The following REL variants were observed in gnomAD, a reference collection of about 807,000 sequenced individuals.
The protein encoded by REL is REL proto-oncogene, NF-kB subunit.
REL carries 15 observed loss-of-function variants against 45.9 expected under a neutral mutation model. The observed-to-expected ratio is 0.33, with a 90% confidence interval of 0.22 to 0.50. REL has a LOEUF of 0.50. Ranked by LOEUF, REL falls within the 20% of genes least tolerant of loss-of-function variation. REL has a pLI of 0.98. For missense variants in REL, 601 were observed against 715.2 expected, an observed-to-expected ratio of 0.84 and a Z score of 1.82; for synonymous variants, 239 against 242.1, an observed-to-expected ratio of 0.99 and a Z score of 0.12.
At chr2:60,913,377 T>C (rs945552456) in intron 4 of REL, among the ~76,000 whole-genome samples, 3 of 152,154 alleles carry the variant, frequency 2.0e-5, no homozygotes, top group Non-Finnish European at 2.9e-5. Flanking sequence ...TACAATATTA[T>C]CTCCCTGCAG....
chr2:60,911,994 C>CAAAAAAAAAAAAAAAAAAAAAAAAA, intron 4 of REL, among the ~76,000 whole-genome samples: 1 of 37,320 alleles, frequency 2.7e-5, no homozygotes, highest in Non-Finnish European at 6.2e-5. Context: ...AAGACTGTCT[C>CAAAAAAAAAAAAAAAAAAAAAAAAA]AAAAAAAAAA....
intron 4 of REL, among the ~76,000 whole-genome samples, chr2:60,904,806 C>T (rs1379566972): frequency 6.6e-6 from 1 of 152,116 alleles, no homozygotes; most frequent in African/African-American, 2.4e-5. Context: ...AGGAAAATTG[C>T]TTCAGCCTGG....
chr2:60,917,712 G>GTGTGTGTA (rs1228834689), intron 5 of REL, among the ~76,000 whole-genome samples: 5 of 138,550 alleles, frequency 3.6e-5, no homozygotes, highest in African/African-American at 1.3e-4. Context: ...GTGTGTGTGT[G>GTGTGTGTA]TGTACGTGTG....
intron 4 of REL, among the ~76,000 whole-genome samples, chr2:60,905,157 C>G (rs577000470): frequency 6.6e-6 from 1 of 152,146 alleles, no homozygotes; most frequent in Non-Finnish European, 1.5e-5. Context: ...TGCAGTGGCA[C>G]GATCTCGGCT....
intron 2 of REL, 123 bp downstream of exon 2, chr2:60,891,948 C>CTT: frequency 7.7e-5 from 63 of 821,630 alleles, no homozygotes; most frequent in Non-Finnish European, 9.2e-5. Context: ...TTCTTTTTTC[C>CTT]TTTTTTTTTT....
intron 4 of REL, among the ~76,000 whole-genome samples, chr2:60,906,913 A>ATATATTTTTTT: frequency 9.6e-6 from 1 of 104,322 alleles, no homozygotes; most frequent in African/African-American, 4.0e-5. Flanking sequence ...ATATATATAT[A>ATATATTTTTTT]TTTTTTTTTT....
rs1490219339 is a variant in REL, at chr2:60,925,412, C to A, written c.*2877C>A. On this transcript the variant is annotated 3_prime_UTR_variant, in exon 10 of 10. Coordinates refer to ENST00000394479, the MANE Select transcript of REL (RefSeq NM_001291746.2). Reference sequence around the variant, plus strand: ...AAAAAAAAAGAAAGACCCCTGAGTACCATTAATATTCCTCAGAAATTATTA... The same window carrying A: ...AAAAAAAAAGAAAGACCCCTGAGTAACATTAATATTCCTCAGAAATTATTA... The A allele has an allele frequency of 5.3e-6, 1 of 188,644 alleles. No individual in the cohort carries two copies. The highest frequency in any genetic ancestry group is 1.1e-5 in the Non-Finnish European group (1 of 89,766). The allele number at this position is 188,644 out of a possible 1,614,324, so 11.7% of individuals were successfully genotyped here.
chr2:60,914,337 T>C (rs1673899399), intron 4 of REL, among the ~76,000 whole-genome samples: 1 of 152,210 alleles, frequency 6.6e-6, no homozygotes, highest in South Asian at 2.1e-4. Flanking sequence ...GAGATGAAAG[T>C]AATTCTGATG....
At chr2:60,889,047 T>G (rs1236819889) in intron 1 of REL, among the ~76,000 whole-genome samples, 1 of 152,244 alleles carries the variant, frequency 6.6e-6, no homozygotes, top group Non-Finnish European at 1.5e-5. Flanking sequence ...AAAATATTCA[T>G]TGATTTCATC....
At chr2:60,906,024 C>T (rs1673638622) in intron 4 of REL, among the ~76,000 whole-genome samples, 1 of 152,168 alleles carries the variant, frequency 6.6e-6, no homozygotes. Context: ...GGGGAGGCCT[C>T]AGAATCATGG....
intron 4 of REL, among the ~76,000 whole-genome samples, chr2:60,910,382 G>A (rs1016060056): frequency 2.2e-4 from 33 of 150,980 alleles, no homozygotes; most frequent in Middle Eastern, 6.8e-3. Flanking sequence ...GGAGAATGGC[G>A]TGAACCCGGG....
rs1391330319 is a variant in REL at position 60,881,888 on chromosome 2, A to T, written c.10+38A>T. On this transcript the variant is annotated intron_variant, in intron 1 of 9. Transcript: ENST00000394479. ...GGGGCGCGGGCCTGGGCCGGGGGAA[A>T]GGAGCTCTTCTGAAGGGGGTCCTGC... The T allele has an allele frequency of 2.8e-6, 4 of 1,424,250 alleles. No homozygotes were observed. The African/African-American group carries it at 5.9e-5, about 21-fold the overall frequency. The allele number at this position is 1,424,250 out of a possible 1,614,324, so 88.2% of individuals were successfully genotyped here.
At chr2:60,888,552 AAATCGTGAAAT>A (rs1490769161) in intron 1 of REL, among the ~76,000 whole-genome samples, 1 of 152,246 alleles carries the variant, frequency 6.6e-6, no homozygotes, top group African/African-American at 2.4e-5. Context: ...TGCAAGGATA[AAATCGTGAAAT>A]ACTCATCTGC....
In REL at chr2:60,906,870, T is replaced by C. The variant is rs112492137; in HGVS notation, c.394+5787T>C. 9.6e-3 allele frequency among the ~76,000 whole-genome samples: 1,402 copies of C among 145,582 alleles called. 35 individuals carry two copies. The highest frequency in any genetic ancestry group is 0.033 in the African/African-American group (1,304 of 39,898). On this transcript the variant is annotated intron_variant, in intron 4 of 9. Coordinates refer to ENST00000394479, the MANE Select transcript of REL (RefSeq NM_001291746.2). ...GTGTGTGTATGTATGTGTGTGTGTG[T>C]GCGTGTGTGTATGTGTGTGTGTGTA...
At chr2:60,906,443 A>C (rs1369029539) in intron 4 of REL, among the ~76,000 whole-genome samples, 1 of 152,294 alleles carries the variant, frequency 6.6e-6, no homozygotes, top group East Asian at 1.9e-4. Flanking sequence ...TTCTGATGCA[A>C]GTGATCCACA....
chr2:60,898,322 C>T (rs1431883696), intron 3 of REL, among the ~76,000 whole-genome samples: 1 of 152,186 alleles, frequency 6.6e-6, no homozygotes, highest in Non-Finnish European at 1.5e-5. Context: ...TCTATATAGC[C>T]TATAAGGCCC....
intron 4 of REL, among the ~76,000 whole-genome samples, chr2:60,903,214 A>G (rs773788174): frequency 1.7e-4 from 26 of 152,336 alleles, no homozygotes; most frequent in Non-Finnish European, 2.6e-4. Flanking sequence ...CGTTGGAACA[A>G]TTCTGCTTTA....
intron 3 of REL, among the ~76,000 whole-genome samples, chr2:60,895,354 G>A (rs1403483773): frequency 6.6e-6 from 1 of 151,956 alleles, no homozygotes; most frequent in South Asian, 2.1e-4. Context: ...GCTAATTTTT[G>A]TATTTTTTGT....
chr2:60,901,737 T>C (rs1277820258), intron 4 of REL, among the ~76,000 whole-genome samples: 1 of 152,182 alleles, frequency 6.6e-6, no homozygotes, highest in Non-Finnish European at 1.5e-5. Context: ...AAATAGGCAC[T>C]GTGTTTATAA....
Sources: gnomAD v4.1 joint callset for allele counts (sites outside exome capture counted in the v4.1 genomes callset) on GRCh38, gnomAD v4.1.1 for gene constraint, MANE v1.5 for transcripts, NCBI Gene and HGNC (gene_info 2026-07-23, HGNC 2026-07-21) for gene names.